TAF4B: variants seen among roughly 807,000 people sequenced by gnomAD.
TAF4B encodes the protein TATA-box binding protein associated factor 4b, also known as transcription initiation factor TFIID subunit 4B.
In TAF4B, 38 loss-of-function variants were observed where a neutral mutation model predicts 86.4. The observed-to-expected ratio is 0.44, with a 90% CI of 0.34 to 0.58. TAF4B has a LOEUF of 0.58. TAF4B is among the 20% of genes least tolerant of loss of function. The pLI is 0.02. For missense variants in TAF4B, 988 were observed against 1,027.6 expected, an observed-to-expected ratio of 0.96 and a Z score of 0.53; for synonymous variants, 388 against 391.2, an observed-to-expected ratio of 0.99 and a Z score of 0.10.
chr18:26,350,288 A>G (rs2057234316), intron 13 of TAF4B, among the ~76,000 whole-genome samples: 1 of 152,220 alleles, frequency 6.6e-6, no homozygotes, highest in South Asian at 2.1e-4. Context: ...AATGGGGGGA[A>G]ATATTTGCAA....
intron 6 of TAF4B, among the ~76,000 whole-genome samples, chr18:26,283,142 A>G (rs1335388967): frequency 6.6e-6 from 1 of 152,172 alleles, no homozygotes; most frequent in African/African-American, 2.4e-5. Flanking sequence ...CTGACTCATA[A>G]ATATACTTAA....
At position 26,274,568 on chromosome 18, in the gene TAF4B, A is replaced by T. The variant is rs1483802555; in HGVS notation, c.598-95A>T. 8 of 1,358,712 alleles carry T rather than the reference A, an allele frequency of 5.9e-6. No homozygotes were observed. In the African/African-American group the frequency reaches 1.2e-4, roughly 20 times the overall value. 84.2% of individuals were successfully genotyped at this position (1,358,712 alleles called of 1,614,324 possible). On this transcript the variant is annotated intron_variant, in intron 3 of 14. Transcript: ENST00000269142. ...ACTAGAGCATAACATAAAACCACAGATGTCAAAATTAACTTGTCTGATGAG... is the reference window on the plus strand; with the variant it reads ...ACTAGAGCATAACATAAAACCACAGTTGTCAAAATTAACTTGTCTGATGAG...
intron 7 of TAF4B, among the ~76,000 whole-genome samples, chr18:26,287,165 GTTT>G (rs1008597420): frequency 1.3e-5 from 2 of 152,084 alleles, no homozygotes; most frequent in African/African-American, 4.8e-5. Context: ...CCAATAATGT[GTTT>G]TTATTTTTAT....
At chr18:26,351,358 A>G (rs1173111613) in intron 13 of TAF4B, among the ~76,000 whole-genome samples, 1 of 152,134 alleles carries the variant, frequency 6.6e-6, no homozygotes, top group Non-Finnish European at 1.5e-5. Flanking sequence ...ATAGTAGAGG[A>G]TGGAAAGGGT....
At chr18:26,375,454 T>A (rs2144360276) in intron 14 of TAF4B, among the ~76,000 whole-genome samples, 1 of 152,294 alleles carries the variant, frequency 6.6e-6, no homozygotes, top group East Asian at 1.9e-4. Context: ...GGTGACTATG[T>A]TTGGTGTTTT....
chr18:26,327,191 A>C, intron 12 of TAF4B, 51 bp downstream of exon 12: 1 of 1,574,178 alleles, frequency 6.4e-7, no homozygotes, highest in Non-Finnish European at 8.6e-7. Context: ...GTGTGGTCAG[A>C]GGTGGCTTTA....
At chr18:26,312,542 C>G (rs1427796833) in intron 9 of TAF4B, among the ~76,000 whole-genome samples, 1 of 152,150 alleles carries the variant, frequency 6.6e-6, no homozygotes, top group Admixed American at 6.5e-5. Flanking sequence ...CTGCAAGATT[C>G]TAAAAGACAT....
At chr18:26,328,997 A>T (rs1012523717) in intron 12 of TAF4B, among the ~76,000 whole-genome samples, 3 of 149,804 alleles carry the variant, frequency 2.0e-5, no homozygotes, top group African/African-American at 7.4e-5. Context: ...TGCCTTCCCC[A>T]CTTCCTCTCT....
At chr18:26,374,891 G>A (rs1305067222) in intron 14 of TAF4B, among the ~76,000 whole-genome samples, 1 of 152,022 alleles carries the variant, frequency 6.6e-6, no homozygotes, top group South Asian at 2.1e-4. Context: ...ACTTGTTTTG[G>A]CTTATCAGGT....
intron 9 of TAF4B, among the ~76,000 whole-genome samples, chr18:26,294,324 G>C (rs1452992800): frequency 6.6e-6 from 1 of 151,866 alleles, no homozygotes; most frequent in African/African-American, 2.4e-5. Flanking sequence ...CATTTTAATA[G>C]GTGTATAAGT....
intron 13 of TAF4B, among the ~76,000 whole-genome samples, chr18:26,353,469 GC>G (rs1425677920): frequency 6.6e-6 from 1 of 152,182 alleles, no homozygotes; most frequent in Non-Finnish European, 1.5e-5. Context: ...GATGGCTCAT[GC>G]CTGTAATCCC....
chr18:26,332,704 A>G (rs1475804637), intron 12 of TAF4B, among the ~76,000 whole-genome samples: 4 of 151,820 alleles, frequency 2.6e-5, no homozygotes, highest in Non-Finnish European at 4.4e-5. Flanking sequence ...TACTTTTTGC[A>G]TTATTAGTAG....
At chr18:26,315,192 C>CACACACA in intron 9 of TAF4B, 37 bp from the exon 10 acceptor site, 2 of 1,333,258 alleles carry the variant, frequency 1.5e-6, no homozygotes, top group Non-Finnish European at 2.0e-6. Context: ...CACACACACA[C>CACACACA]AACCTAAAAT....
chr18:26,231,389 GT>G (rs1278772834), intron 1 of TAF4B, among the ~76,000 whole-genome samples: 1 of 120,598 alleles, frequency 8.3e-6, no homozygotes, highest in African/African-American at 3.3e-5. Context: ...GTCTCACTCT[GT>G]TGCCCAGGTT....
intron 1 of TAF4B, among the ~76,000 whole-genome samples, chr18:26,242,443 C>A (rs2055854346): frequency 6.6e-6 from 1 of 152,110 alleles, no homozygotes; most frequent in Admixed American, 6.6e-5. Flanking sequence ...CTTGGTAGAT[C>A]TTCCTCCATC....
chr18:26,368,118 A>T (rs2057383389), intron 14 of TAF4B, among the ~76,000 whole-genome samples: 1 of 152,218 alleles, frequency 6.6e-6, no homozygotes, highest in African/African-American at 2.4e-5. Flanking sequence ...TTAGATTATA[A>T]AACATTTATT....
chr18:26,373,058 C>T (rs142213338), intron 14 of TAF4B, among the ~76,000 whole-genome samples: 5 of 152,130 alleles, frequency 3.3e-5, no homozygotes, highest in African/African-American at 1.2e-4. Context: ...TAGGGGCCTA[C>T]TATCTTGGTG....
rs764992017 is a variant in TAF4B, at chr18:26,227,172, C to T, written c.239C>T (p.Pro80Leu). 1.2e-6 allele frequency: 2 copies of T among 1,614,180 alleles called. No homozygotes were observed. The highest frequency in any genetic ancestry group is 1.7e-6 in the Non-Finnish European group (2 of 1,180,020). Reference sequence around the variant, plus strand: ...AAAGTGGCTCCGGTCAGCGCCCCTCCTAAAGTCAGCAGCGGCCCTAGGCTG... The same window carrying T: ...AAAGTGGCTCCGGTCAGCGCCCCTCTTAAAGTCAGCAGCGGCCCTAGGCTG... The part of the protein sequence containing the change: ...VTKVAPVSAP[P>L]KVSSGPRLPA... Residue 80 changes from proline to leucine, a missense_variant, in exon 1 of 15, where the codon CCT (proline) becomes CTT (leucine). Physicochemically the swap from Pro to Leu is moderately conservative, Grantham distance 98 (BLOSUM62 -3). This residue lies in a region of TAF4B where 747 missense variants were observed against 737.9 expected (regional missense o/e 1.01). Transcript: ENST00000269142.
At chr18:26,262,984 T>C (rs1217366681) in intron 1 of TAF4B, among the ~76,000 whole-genome samples, 1 of 152,144 alleles carries the variant, frequency 6.6e-6, no homozygotes, top group African/African-American at 2.4e-5. Flanking sequence ...AGTGTTGTGC[T>C]CTGTCACCTA....
Sources: gnomAD v4.1 joint callset for allele counts (sites outside exome capture counted in the v4.1 genomes callset) on GRCh38, gnomAD v4.1.1 for gene constraint, gnomAD v4.1.1 regional missense constraint, MANE v1.5 for transcripts, NCBI Gene and HGNC (gene_info 2026-07-23, HGNC 2026-07-21) for gene names.